Variants in CLCA4 observed in about 807,000 individuals in gnomAD.
The protein encoded by CLCA4 is calcium-activated chloride channel regulator 4.
CLCA4 carries 69 observed loss-of-function variants against 78.9 expected under a neutral mutation model. The observed-to-expected ratio is 0.87, with a 90% CI of 0.72 to 1.07. The LOEUF (loss-of-function observed/expected upper bound fraction) is 1.07. Ranked by LOEUF, CLCA4 falls within the 50% of genes least tolerant of loss-of-function variation. CLCA4 has a pLI of 0.00. For synonymous variants in CLCA4, 362 were observed against 375.8 expected (o/e 0.96, Z 0.42); for missense variants, 1,133 against 1,095.8 (o/e 1.03, Z -0.48).
At chr1:86,569,032 T>C (rs138357515) in intron 7 of CLCA4, among the ~76,000 whole-genome samples, 2 of 152,240 alleles carry the variant, frequency 1.3e-5, no homozygotes, top group East Asian at 3.9e-4. Context: ...CATGTTTTAA[T>C]TTATTCAAAA....
chr1:86,580,319 A>G lies in CLCA4; in HGVS notation c.2734A>G (p.Asn912Asp), dbSNP rs1266929115. The change falls in exon 14 of 14, where the codon AAC becomes GAC. Residue 912 changes from asparagine to aspartate, a missense_variant. By Grantham distance (23) the Asn-to-Asp change is conservative. Transcript: ENST00000370563. The stretch of plus-strand genomic sequence containing the variant: ...TGTGATTGGGTCTGTTGTAATTGTT[A>G]ACTTTATTTTAAGTACCACCATTTG... ...LSVIGSVVIV[N>D]FILSTTI 6.3e-7 allele frequency: 1 copy of G among 1,595,298 alleles called. No homozygotes were observed. Among genetic ancestry groups the G allele is most frequent in the East Asian group, 2.2e-5 (1 of 44,658 alleles).
Position 86,571,068 on chromosome 1 carries a change from T to C in CLCA4, c.1183-9T>C, listed in dbSNP as rs1239613169. 3 of 1,600,790 alleles carry C rather than the reference T, an allele frequency of 1.9e-6. No homozygotes were observed. Among genetic ancestry groups the C allele is most frequent in the Non-Finnish European group, 8.5e-7 (1 of 1,169,950 alleles). On this transcript the variant is annotated splice_polypyrimidine_tract_variant and intron_variant, in intron 7 of 13. Coordinates refer to ENST00000370563, the MANE Select transcript of CLCA4 (RefSeq NM_012128.4). ...CTGTTGGTAACTGTGCTCTGCATTA[T>C]GTTTGCAGGTGATTGGAGAGCTACA...
At chr1:86,550,732 A>T (rs537576948) in intron 1 of CLCA4, among the ~76,000 whole-genome samples, 1 of 151,688 alleles carries the variant, frequency 6.6e-6, no homozygotes, top group Non-Finnish European at 1.5e-5. Flanking sequence ...ACAGAGCAAG[A>T]CTCTGTCTCA....
Position 86,575,320 on chromosome 1 carries a change from T to C in CLCA4, c.1684-12T>C. ...CTTTGGATACTTACTATATTTCTGTTGAAACTTTTAGGTGGGCACTTGGGC... is the reference window on the plus strand; with the variant it reads ...CTTTGGATACTTACTATATTTCTGTCGAAACTTTTAGGTGGGCACTTGGGC... On this transcript the variant is annotated splice_polypyrimidine_tract_variant and intron_variant, in intron 10 of 13. Coordinates refer to ENST00000370563, the MANE Select transcript of CLCA4 (RefSeq NM_012128.4). 1 of 1,606,784 alleles carries C rather than the reference T, an allele frequency of 6.2e-7. No homozygotes were observed. The highest frequency in any genetic ancestry group is 8.5e-7 in the Non-Finnish European group (1 of 1,175,522).
At chr1:86,551,262 A>G (rs1335868355) in intron 1 of CLCA4, among the ~76,000 whole-genome samples, 1 of 152,078 alleles carries the variant, frequency 6.6e-6, no homozygotes, top group Non-Finnish European at 1.5e-5. Context: ...CTTTTAAAAA[A>G]CCCAAAACTT....
intron 3 of CLCA4, among the ~76,000 whole-genome samples, chr1:86,561,156 T>A (rs949060668): frequency 6.6e-6 from 1 of 152,180 alleles, no homozygotes; most frequent in Non-Finnish European, 1.5e-5. Flanking sequence ...CCCTCTCCAG[T>A]CTTGAAAGTT....
chr1:86,566,025 G>A lies in CLCA4; in HGVS notation c.954+5G>A. 1 of 1,609,246 alleles carries A rather than the reference G, an allele frequency of 6.2e-7. No individual in the cohort carries two copies. The highest frequency in any genetic ancestry group is 8.5e-7 in the Non-Finnish European group (1 of 1,176,530). On this transcript the variant is annotated splice_donor_5th_base_variant and intron_variant, in intron 6 of 13. Transcript: ENST00000370563. The stretch of plus-strand genomic sequence containing the variant: ...GATAAGTCTGGAAGCATGGGGGTAA[G>A]ATCACTTTTTCTGGATATAGGGATG...
intron 9 of CLCA4, among the ~76,000 whole-genome samples, chr1:86,573,919 T>C (rs1441120447): frequency 6.6e-6 from 1 of 152,102 alleles, no homozygotes; most frequent in African/African-American, 2.4e-5. Context: ...AATCACTAAG[T>C]GGATTTTATG....
chr1:86,567,873 C>T lies in CLCA4; in HGVS notation c.1182+222C>T, dbSNP rs141306002. On this transcript the variant is annotated intron_variant, in intron 7 of 13. Transcript: ENST00000370563. ...TAAATGACTATCAATTTACCACTCA[C>T]TTACAAGCCCAAGGAAGTCATGGAC... Among the ~76,000 whole-genome samples the T allele has an allele frequency of 6.1e-3, 933 of 152,142 alleles. 10 individuals carry two copies. Among genetic ancestry groups the T allele is most frequent in the African/African-American group, 0.021 (867 of 41,540 alleles).
At position 86,547,278 on chromosome 1, in the gene CLCA4, G is replaced by A; in HGVS notation, c.159G>A (p.Glu53=). Residue 53 remains glutamate, a splice_region_variant and synonymous_variant, in exon 1 of 14, where the codon GAG becomes GAA. Transcript: ENST00000370563. ...ATGAAAAAATAATTGAACAAATAGA[G>A]GTAAGAACAAAATGGAATATCTTTC... ...PEDEKIIEQI[E]DMVTTASTYL... 1 of 1,566,876 alleles carries A rather than the reference G, an allele frequency of 6.4e-7. No homozygotes were observed. Among genetic ancestry groups the A allele is most frequent in the Non-Finnish European group, 8.6e-7 (1 of 1,159,914 alleles).
At chr1:86,578,881 T>A (rs1650612567) in intron 12 of CLCA4, among the ~76,000 whole-genome samples, 3 of 152,024 alleles carry the variant, frequency 2.0e-5, no homozygotes, top group African/African-American at 7.2e-5. Context: ...AATGCATTCT[T>A]TGCTAGCTTT....
rs1649558008 is a variant in CLCA4, at chr1:86,548,347, T to A, written c.159+1069T>A. On this transcript the variant is annotated intron_variant, in intron 1 of 13. Coordinates refer to ENST00000370563, the MANE Select transcript of CLCA4 (RefSeq NM_012128.4). ...GTTTCTTGTATATTCTGGATAATAA[T>A]CCATTGTTGGATGAATAGTTTGCAA... Among the ~76,000 whole-genome samples the A allele has an allele frequency of 3.3e-5, 5 of 152,296 alleles. No individual in the cohort carries two copies. The South Asian group carries it at 8.3e-4, about 25-fold the overall frequency.
At chr1:86,554,787 T>C (rs1299310444) in intron 1 of CLCA4, among the ~76,000 whole-genome samples, 1 of 152,158 alleles carries the variant, frequency 6.6e-6, no homozygotes, top group Non-Finnish European at 1.5e-5. Context: ...CTTTCCACAG[T>C]GGTTGAACTA....
intron 6 of CLCA4, 133 bp downstream of exon 6, chr1:86,566,153 T>C (rs1650184770): frequency 3.3e-6 from 2 of 597,546 alleles, no homozygotes; most frequent in Non-Finnish European, 5.3e-6. Context: ...TGATCATGAC[T>C]TCAAGATACT....
intron 10 of CLCA4, 141 bp downstream of exon 10, chr1:86,574,896 C>T: frequency 1.5e-6 from 1 of 650,888 alleles, no homozygotes; most frequent in Non-Finnish European, 2.6e-6. Context: ...ATGCCTGTGT[C>T]CTTAAAACTA....
rs746222969 is a variant in CLCA4 at position 86,547,110 on chromosome 1, G to C, written c.-10G>C. ...CCAACATTTGAGCCAGGAATAACTA[G>C]AGAGGAACAATGGGGTTATTCAGAG... On this transcript the variant is annotated 5_prime_UTR_variant, in exon 1 of 14. Coordinates refer to ENST00000370563, the MANE Select transcript of CLCA4 (RefSeq NM_012128.4). 15 of 1,596,520 alleles carry C rather than the reference G, an allele frequency of 9.4e-6. No homozygotes were observed. Among genetic ancestry groups the C allele is most frequent in the Non-Finnish European group, 1.3e-5 (15 of 1,175,804 alleles).
At chr1:86,549,348 T>A (rs981729330) in intron 1 of CLCA4, among the ~76,000 whole-genome samples, 1 of 152,126 alleles carries the variant, frequency 6.6e-6, no homozygotes, top group Non-Finnish European at 1.5e-5. Context: ...GGAGGAAGCA[T>A]AGGGTGAGCT....
intron 1 of CLCA4, among the ~76,000 whole-genome samples, 184 bp downstream of exon 1, chr1:86,547,462 C>T (rs1321680): frequency 0.46 from 70,517 of 152,048 alleles, 20,720 homozygotes; most frequent in African/African-American, 0.82. Flanking sequence ...TGCATTGTGT[C>T]GGGAACATTA....
intron 6 of CLCA4, 86 bp from the exon 7 acceptor site, chr1:86,567,338 A>G: frequency 1.8e-6 from 2 of 1,123,418 alleles, no homozygotes; most frequent in African/African-American, 1.6e-5. Context: ...AATGTTACCA[A>G]TAAATTCTGT....
Sources: allele counts gnomAD v4.1 joint callset (sites outside exome capture counted in the v4.1 genomes callset), GRCh38; gene constraint gnomAD v4.1.1; transcripts MANE v1.5; gene names NCBI Gene and HGNC (gene_info 2026-07-23, HGNC 2026-07-21).